WBP1L: variants seen among roughly 807,000 people sequenced by gnomAD.
The protein encoded by WBP1L is WW domain binding protein 1-like.
In WBP1L, 17 loss-of-function variants were observed where a neutral mutation model predicts 33.7. That is an observed-to-expected ratio of 0.50 (90% CI 0.34 to 0.76). The LOEUF (loss-of-function observed/expected upper bound fraction) is 0.76, where lower values mean the gene tolerates loss of function less well. Ranked by LOEUF, WBP1L falls within the 30% of genes least tolerant of loss-of-function variation. The pLI is 0.01. For missense variants in WBP1L, 389 were observed against 469.4 expected, an observed-to-expected ratio of 0.83 and a Z score of 1.58; for synonymous variants, 173 against 190.8, an observed-to-expected ratio of 0.91 and a Z score of 0.77.
intron 1 of WBP1L, among the ~76,000 whole-genome samples, chr10:102,746,729 GCTAA>G (rs1251211444): frequency 6.6e-6 from 1 of 152,046 alleles, no homozygotes; most frequent in African/African-American, 2.4e-5. Context: ...ATGAAGTCCA[GCTAA>G]CTTTGAATTC....
chr10:102,775,117 CAAAAAA>C (rs59486422), intron 1 of WBP1L, among the ~76,000 whole-genome samples: 28,931 of 97,652 alleles, frequency 0.3, 4,059 homozygotes, highest in Non-Finnish European at 0.37. Flanking sequence ...GACCCTATCT[CAAAAAA>C]AAAAAAAAAA....
chr10:102,798,176 C>T, intron 2 of WBP1L, 81 bp downstream of exon 2: 1 of 1,232,762 alleles, frequency 8.1e-7, no homozygotes, highest in Non-Finnish European at 1.2e-6. Flanking sequence ...TGGGCATTAG[C>T]CCTTTTCGGA....
rs771721158 is a variant in WBP1L at position 102,813,011 on chromosome 10, G to C, written c.772G>C (p.Glu258Gln). The C allele has an allele frequency of 3.7e-6, 6 of 1,613,742 alleles. No individual in the cohort carries two copies. The African/African-American group carries it at 6.7e-5, about 18-fold the overall frequency. ...TGAACACGGCGCACCCGACAGCAAA[G>C]AGAAGACGCCTGGGAGACATCGCCG... ...SSEHGAPDSK[E>Q]KTPGRHRRFT... The change falls in exon 4 of 4, where the codon GAG becomes CAG. Residue 258 changes from glutamate to glutamine, a missense_variant. Glu to Gln is a conservative substitution (Grantham distance 29). Coordinates refer to ENST00000448841, the MANE Select transcript of WBP1L (RefSeq NM_001083913.2).
intron 1 of WBP1L, among the ~76,000 whole-genome samples, chr10:102,758,364 C>T (rs1193887754): frequency 6.6e-6 from 1 of 152,164 alleles, no homozygotes; most frequent in Non-Finnish European, 1.5e-5. Flanking sequence ...CATTAGCATT[C>T]ATTCCCCTTA....
At chr10:102,781,462 C>T (rs1843334881) in intron 1 of WBP1L, among the ~76,000 whole-genome samples, 1 of 152,112 alleles carries the variant, frequency 6.6e-6, no homozygotes, top group African/African-American at 2.4e-5. Flanking sequence ...TAATGTGTGG[C>T]AGGAGGGGCC....
intron 1 of WBP1L, among the ~76,000 whole-genome samples, chr10:102,773,065 G>A (rs1843213870): frequency 6.6e-6 from 1 of 151,976 alleles, no homozygotes; most frequent in Admixed American, 6.6e-5. Context: ...GTACATAGGA[G>A]AACCCATTTT....
chr10:102,794,794 A>G (rs1021823362), intron 1 of WBP1L, among the ~76,000 whole-genome samples: 3 of 152,120 alleles, frequency 2.0e-5, no homozygotes, highest in African/African-American at 7.2e-5. Flanking sequence ...GCCAAACCCA[A>G]GGCTCCTGGG....
chr10:102,780,091 G>A (rs1423106773), intron 1 of WBP1L, among the ~76,000 whole-genome samples: 2 of 152,188 alleles, frequency 1.3e-5, no homozygotes, highest in African/African-American at 4.8e-5. Flanking sequence ...GAAGACCTCA[G>A]GGCCCTTCTT....
At chr10:102,756,654 T>C (rs980717830) in intron 1 of WBP1L, among the ~76,000 whole-genome samples, 10 of 152,150 alleles carry the variant, frequency 6.6e-5, no homozygotes, top group African/African-American at 2.4e-4. Flanking sequence ...TTTGCAATTG[T>C]GCTAGATTCC....
At chr10:102,797,918 A>G in intron 1 of WBP1L, 75 bp from the exon 2 acceptor site, 1 of 1,326,042 alleles carries the variant, frequency 7.5e-7, no homozygotes, top group Non-Finnish European at 1.1e-6. Context: ...ATAGACAACC[A>G]GGAGGACAAT....
intron 1 of WBP1L, among the ~76,000 whole-genome samples, chr10:102,745,106 A>AT (rs1318538074): frequency 6.6e-6 from 1 of 152,176 alleles, no homozygotes; most frequent in Non-Finnish European, 1.5e-5. Context: ...GTTTTTTCAG[A>AT]AAGGCATACA....
At position 102,780,958 on chromosome 10, in the gene WBP1L, C is replaced by T. The variant is rs78927273; in HGVS notation, c.91-17035C>T. On this transcript the variant is annotated intron_variant, in intron 1 of 3. Transcript: ENST00000448841. Reference sequence around the variant, plus strand: ...CCATTGTCCTCCAAGTTGTCCACACCAGTGAGATGGGATGATCCCTGATAC... The same window carrying T: ...CCATTGTCCTCCAAGTTGTCCACACTAGTGAGATGGGATGATCCCTGATAC... 1.8e-3 allele frequency among the ~76,000 whole-genome samples: 269 copies of T among 152,256 alleles called. 1 individual carries two copies. Among genetic ancestry groups the T allele is most frequent in the African/African-American group, 6.2e-3 (258 of 41,546 alleles).
rs376568609 is a variant in WBP1L, at chr10:102,813,241, G to A, written c.1002G>A (p.Pro334=). 44 of 1,612,098 alleles carry A rather than the reference G, an allele frequency of 2.7e-5. No individual in the cohort carries two copies. The East Asian group carries it at 4.2e-4, about 16-fold the overall frequency. ...AGCAGGCTCGAGAGCCTGGGCACCC[G>A]CACCTGCCACGGCCGCCCGCATGCC... ...SEEQAREPGH[P]HLPRPPACLL... Residue 334 remains proline (P), a synonymous_variant, in exon 4 of 4, where the codon CCG becomes CCA. Coordinates refer to ENST00000448841, the MANE Select transcript of WBP1L (RefSeq NM_001083913.2).
intron 1 of WBP1L, among the ~76,000 whole-genome samples, chr10:102,777,171 G>C (rs1440714168): frequency 6.6e-6 from 1 of 152,124 alleles, no homozygotes; most frequent in Non-Finnish European, 1.5e-5. Flanking sequence ...GCTTCTGAGA[G>C]TCAGACACCC....
rs1236227995 is a variant in WBP1L, at chr10:102,813,082, C to T, written c.843C>T (p.Gly281=). 1.2e-6 allele frequency: 2 copies of T among 1,613,718 alleles called. No homozygotes were observed. The highest frequency in any genetic ancestry group is 1.7e-5 in the Admixed American group (1 of 60,006). The change falls in exon 4 of 4, where the codon GGC becomes GGT. Residue 281 remains glycine (G), a synonymous_variant. Coordinates refer to ENST00000448841, the MANE Select transcript of WBP1L (RefSeq NM_001083913.2). ...TTGAAGTGTGTGTGTGCAACCGGGG[C>T]CACCATGACGATGACCTCAAAGAGT... ...SGIEVCVCNR[G]HHDDDLKEFN... is the part of the protein sequence containing the mutation.
intron 1 of WBP1L, among the ~76,000 whole-genome samples, chr10:102,765,666 AAGTTGCTTACTTT>A (rs1265357268): frequency 1.3e-5 from 2 of 152,186 alleles, no homozygotes; most frequent in African/African-American, 4.8e-5. Context: ...TCTTACCCCT[AAGTTGCTTACTTT>A]AGAGGAGAAG....
intron 2 of WBP1L, among the ~76,000 whole-genome samples, chr10:102,804,881 C>G (rs1184744126): frequency 2.0e-5 from 3 of 152,186 alleles, no homozygotes; most frequent in Non-Finnish European, 2.9e-5. Flanking sequence ...TTCAAGCCTA[C>G]CCACATGCCT....
chr10:102,780,772 A>AGTAGTAT (rs1843324647), intron 1 of WBP1L, among the ~76,000 whole-genome samples: 1 of 152,260 alleles, frequency 6.6e-6, no homozygotes, highest in Non-Finnish European at 1.5e-5. Context: ...GGCCCTTCCC[A>AGTAGTAT]CAGTCCAATC....
intron 1 of WBP1L, among the ~76,000 whole-genome samples, chr10:102,775,026 G>A (rs921125546): frequency 1.4e-5 from 2 of 146,352 alleles, no homozygotes; most frequent in Admixed American, 1.4e-4. Context: ...GAGGTGGGAG[G>A]ATCGCTTGAG....
Sources: gnomAD v4.1 joint callset for allele counts (sites outside exome capture counted in the v4.1 genomes callset) on GRCh38, gnomAD v4.1.1 for gene constraint, MANE v1.5 for transcripts, NCBI Gene and HGNC (gene_info 2026-07-23, HGNC 2026-07-21) for gene names.